AGAP1: variants seen among roughly 807,000 people sequenced by gnomAD.
The protein encoded by AGAP1 is ArfGAP with GTPase domain, ankyrin repeat and PH domain 1.
Under a neutral mutation model 105.3 loss-of-function variants are expected in AGAP1, and 29 were observed. The ratio of observed to expected loss-of-function variants is 0.28; its 90% CI spans 0.21 to 0.38. The LOEUF (loss-of-function observed/expected upper bound fraction) is 0.38, where lower values mean the gene tolerates loss of function less well. Among genes scored for constraint, AGAP1 ranks in the 10% least tolerant of loss-of-function variants. AGAP1 has a pLI of 1.00. For missense variants in AGAP1, 998 were observed against 1,165.1 expected, an observed-to-expected ratio of 0.86 and a Z score of 2.09; for synonymous variants, 509 against 485.9, an observed-to-expected ratio of 1.05 and a Z score of -0.63.
At chr2:235,709,040 C>T in intron 1 of AGAP1, 139 bp from the exon 2 acceptor site, 1 of 825,460 alleles carries the variant, frequency 1.2e-6, no homozygotes, top group Non-Finnish European at 2.0e-6. Context: ...ACTGATCTTT[C>T]TGGGGTGAGA....
At position 235,622,430 on chromosome 2, in the gene AGAP1, G is replaced by A. The variant is rs150760620; in HGVS notation, c.164-86749G>A. On this transcript the variant is annotated intron_variant, in intron 1 of 17. Coordinates refer to ENST00000304032, the MANE Select transcript of AGAP1 (RefSeq NM_001037131.3). The surrounding 1 kb of genome is among the most constrained non-coding windows in gnomAD (Gnocchi z 5.0). ...GCATGTCCGCCCATCTCACTGGGGT[G>A]ATGAATGGATCTAGACCTGGTGCCT... 3.2e-3 allele frequency among the ~76,000 whole-genome samples: 482 copies of A among 152,338 alleles called. 2 individuals are homozygous for A. The highest frequency in any genetic ancestry group is 0.011 in the African/African-American group (456 of 41,576).
chr2:235,770,319 G>T (rs1271896702), intron 6 of AGAP1, among the ~76,000 whole-genome samples: 1 of 151,954 alleles, frequency 6.6e-6, no homozygotes, highest in Non-Finnish European at 1.5e-5. Context: ...TGTATTTTTA[G>T]TAGAGACGGG....
chr2:235,558,553 C>T (rs923923888), intron 1 of AGAP1, among the ~76,000 whole-genome samples: 1 of 152,170 alleles, frequency 6.6e-6, no homozygotes, highest in Non-Finnish European at 1.5e-5. Flanking sequence ...CGCTACCCTC[C>T]AGTCGTAGCC....
chr2:235,567,721 C>A, intron 1 of AGAP1, among the ~76,000 whole-genome samples: 1 of 129,994 alleles, frequency 7.7e-6, no homozygotes, highest in African/African-American at 3.0e-5. Flanking sequence ...ATGGTGGTGG[C>A]CAGGAGGAAC....
At chr2:236,033,388 A>G (rs2057285324) in intron 13 of AGAP1, among the ~76,000 whole-genome samples, 1 of 152,234 alleles carries the variant, frequency 6.6e-6, no homozygotes, top group African/African-American at 2.4e-5. Flanking sequence ...TTGCATGCAT[A>G]GGTAAAATTT....
At chr2:235,560,167 A>T (rs1295629542) in intron 1 of AGAP1, among the ~76,000 whole-genome samples, 2 of 152,186 alleles carry the variant, frequency 1.3e-5, no homozygotes, top group African/African-American at 4.8e-5. Context: ...TATATGGTGT[A>T]AGATGGGGTA....
At chr2:236,032,130 A>C (rs942988500) in intron 13 of AGAP1, among the ~76,000 whole-genome samples, 1 of 152,186 alleles carries the variant, frequency 6.6e-6, no homozygotes, top group African/African-American at 2.4e-5. Flanking sequence ...GATGGGGATA[A>C]AACCCTAGTT....
rs772535544 is a variant in AGAP1, at chr2:235,919,352, G to A, written c.1324+10446G>A. On this transcript the variant is annotated intron_variant, in intron 11 of 17. Coordinates refer to ENST00000304032, the MANE Select transcript of AGAP1 (RefSeq NM_001037131.3). The surrounding 1 kb of genome is among the most constrained non-coding windows in gnomAD (Gnocchi z 4.1). Reference sequence around the variant, plus strand: ...CATTTTTCCATCTCGAAACCTTGTGGCCCATTGTTTTGAGTTACCACTCAT... The same window carrying A: ...CATTTTTCCATCTCGAAACCTTGTGACCCATTGTTTTGAGTTACCACTCAT... Among the ~76,000 whole-genome samples the A allele has an allele frequency of 6.6e-6, 1 of 152,162 alleles. No homozygotes were observed. Among genetic ancestry groups the A allele is most frequent in the Admixed American group, 6.5e-5 (1 of 15,280 alleles).
In AGAP1 at chr2:236,053,292, G is replaced by A. The variant is rs903527529; in HGVS notation, c.2114+4011G>A. Among the ~76,000 whole-genome samples, 3 of 152,222 alleles carry A rather than the reference G, an allele frequency of 2.0e-5. No individual in the cohort carries two copies. The highest frequency in any genetic ancestry group is 7.2e-5 in the African/African-American group (3 of 41,462). On this transcript the variant is annotated intron_variant, in intron 16 of 17. Transcript: ENST00000304032. This position sits in a 1 kb window ranked among gnomAD's most constrained non-coding sequence, Gnocchi z 4.6. Reference sequence around the variant, plus strand: ...ATTGAACGAGTAAATGAGTGAAAGCGGGAACTCGTCATCATGGAACACATG... The same window carrying A: ...ATTGAACGAGTAAATGAGTGAAAGCAGGAACTCGTCATCATGGAACACATG...
intron 1 of AGAP1, among the ~76,000 whole-genome samples, chr2:235,627,701 G>A (rs756090859): frequency 2.7e-4 from 41 of 152,054 alleles, no homozygotes; most frequent in Admixed American, 2.0e-4. Context: ...AAAATGCCTC[G>A]TCCCCGGCTC....
At position 235,542,220 on chromosome 2, in the gene AGAP1, G is replaced by GA. The variant is rs145058571; in HGVS notation, c.163+47371_163+47372insA. Among the ~76,000 whole-genome samples the GA allele has an allele frequency of 2.6e-5, 4 of 151,524 alleles. No individual in the cohort carries two copies. The East Asian group carries it at 7.8e-4, about 29-fold the overall frequency. On this transcript the variant is annotated intron_variant, in intron 1 of 17. Coordinates refer to ENST00000304032, the MANE Select transcript of AGAP1 (RefSeq NM_001037131.3). ...GTGCAGTTCAGACAGTGGGTCCCGG[G>GA]GGGGGGCCAGTTGTCAGAGAGCCCG...
At position 235,689,232 on chromosome 2, in the gene AGAP1, G is replaced by A. The variant is rs748858184; in HGVS notation, c.164-19947G>A. Among the ~76,000 whole-genome samples, 5 of 152,140 alleles carry A rather than the reference G, an allele frequency of 3.3e-5. No individual in the cohort carries two copies. The highest frequency in any genetic ancestry group is 6.5e-5 in the Admixed American group (1 of 15,278). On this transcript the variant is annotated intron_variant, in intron 1 of 17. Coordinates refer to ENST00000304032, the MANE Select transcript of AGAP1 (RefSeq NM_001037131.3). This position sits in a 1 kb window ranked among gnomAD's most constrained non-coding sequence, Gnocchi z 4.2. ...CCTATGCCTTGGACACTCTTCATTC[G>A]CTAGCACCGAGATGGTTCAGGGCAC...
In AGAP1 at chr2:236,089,786, T is replaced by G. The variant is rs1215376904; in HGVS notation, c.2115-30406T>G. ...GGAATGATAACCTGACTGGCATCCC[T>G]GCCTCTTGAATGGCTGACGAGGTCT... On this transcript the variant is annotated intron_variant, in intron 16 of 17. Coordinates refer to ENST00000304032, the MANE Select transcript of AGAP1 (RefSeq NM_001037131.3). The surrounding 1 kb of genome is among the most constrained non-coding windows in gnomAD (Gnocchi z 5.6). Among the ~76,000 whole-genome samples the G allele has an allele frequency of 6.6e-6, 1 of 152,178 alleles. No individual in the cohort carries two copies. The highest frequency in any genetic ancestry group is 1.5e-5 in the Non-Finnish European group (1 of 68,042).
intron 1 of AGAP1, among the ~76,000 whole-genome samples, chr2:235,508,466 GT>G (rs1418236409): frequency 6.6e-6 from 1 of 152,176 alleles, no homozygotes; most frequent in African/African-American, 2.4e-5. Context: ...TTCACGCTCG[GT>G]TTTTTACTCA....
Position 235,971,112 on chromosome 2 carries a change from G to GTC in AGAP1, c.1645+2491_1645+2492dup, listed in dbSNP as rs1270313599. 6.6e-5 allele frequency among the ~76,000 whole-genome samples: 10 copies of GTC among 152,218 alleles called. No homozygotes were observed. Among genetic ancestry groups the GTC allele is most frequent in the African/African-American group, 2.4e-4 (10 of 41,450 alleles). ...GCCACCTCACTCTCTAATTAGGAGA[G>GTC]TCTGGTCTCTACGTCAGCGGCTATG... On this transcript the variant is annotated intron_variant, in intron 13 of 17. Coordinates refer to ENST00000304032, the MANE Select transcript of AGAP1 (RefSeq NM_001037131.3). The surrounding 1 kb of genome is among the most constrained non-coding windows in gnomAD (Gnocchi z 4.8).
At chr2:235,654,517 C>A (rs944439718) in intron 1 of AGAP1, among the ~76,000 whole-genome samples, 1 of 152,172 alleles carries the variant, frequency 6.6e-6, no homozygotes, top group Non-Finnish European at 1.5e-5. Flanking sequence ...GGGTGCATTG[C>A]TGTCGCAGTG....
intron 1 of AGAP1, among the ~76,000 whole-genome samples, chr2:235,587,405 C>G (rs2149202945): frequency 6.6e-6 from 1 of 152,282 alleles, no homozygotes; most frequent in South Asian, 2.1e-4. Flanking sequence ...CAGCGGGATG[C>G]TCACCATGTG....
At chr2:235,684,201 C>G (rs548656300) in intron 1 of AGAP1, among the ~76,000 whole-genome samples, 7 of 152,250 alleles carry the variant, frequency 4.6e-5, no homozygotes, top group African/African-American at 1.7e-4. Context: ...GCCACCACGC[C>G]TGGCTAATTT....
intron 1 of AGAP1, among the ~76,000 whole-genome samples, chr2:235,597,793 T>G (rs1248897461): frequency 0.029 from 2,327 of 81,032 alleles, 57 homozygotes; most frequent in African/African-American, 0.072. Flanking sequence ...CGTGTTTCCT[T>G]TGTGTGGAGC....
Sources: gnomAD v4.1 joint callset for allele counts (sites outside exome capture counted in the v4.1 genomes callset) on GRCh38, gnomAD v4.1.1 for gene constraint, Gnocchi (gnomAD v3.1) non-coding constraint, MANE v1.5 for transcripts, NCBI Gene and HGNC (gene_info 2026-07-23, HGNC 2026-07-21) for gene names.